The following LDB2 variants were observed in gnomAD, a reference collection of about 807,000 sequenced individuals.
The protein encoded by LDB2 is LIM domain binding 2.
Under a neutral mutation model 44.3 loss-of-function variants are expected in LDB2, and 12 were observed. The observed-to-expected ratio is 0.27, with a 90% CI of 0.17 to 0.44. LDB2 has a LOEUF of 0.44. Among genes scored for constraint, LDB2 ranks in the 20% least tolerant of loss-of-function variants. The probability of loss-of-function intolerance (pLI) is 1.00; values close to 1 mark genes in which losing one functional copy is unlikely to be tolerated. For missense variants in LDB2, 344 were observed against 473.5 expected (o/e 0.73, Z 2.54); for synonymous variants, 164 against 174.8 (o/e 0.94, Z 0.49).
chr4:16,851,276 TGGCAGGAA>T, intron 1 of LDB2, among the ~76,000 whole-genome samples: 1 of 151,642 alleles, frequency 6.6e-6, no homozygotes, highest in African/African-American at 2.4e-5. Flanking sequence ...GTCAGGAGGG[TGGCAGGAA>T]GGAGAGAATG....
chr4:16,699,928 C>G (rs1753072635), intron 2 of LDB2, among the ~76,000 whole-genome samples: 1 of 152,150 alleles, frequency 6.6e-6, no homozygotes, highest in African/African-American at 2.4e-5. Context: ...AAATCCAGAA[C>G]ACTCAGCTAA....
At chr4:16,870,007 G>C (rs1715997270) in intron 1 of LDB2, among the ~76,000 whole-genome samples, 1 of 152,180 alleles carries the variant, frequency 6.6e-6, no homozygotes, top group Admixed American at 6.6e-5. Flanking sequence ...GGTGACATGA[G>C]CCTATGTGAG....
chr4:16,507,070 T>C (rs1018926031), intron 7 of LDB2: 6 of 152,198 alleles, frequency 3.9e-5, no homozygotes, highest in African/African-American at 1.4e-4. Context: ...ACTTTTTTAA[T>C]AAAGAGACTC....
chr4:16,619,522 G>A (rs1728269873), intron 2 of LDB2, among the ~76,000 whole-genome samples: 1 of 152,168 alleles, frequency 6.6e-6, no homozygotes, highest in African/African-American at 2.4e-5. Context: ...AAAATACGTT[G>A]GAGCACTGAG....
intron 1 of LDB2, among the ~76,000 whole-genome samples, chr4:16,783,510 T>G (rs945462803): frequency 6.6e-6 from 1 of 152,232 alleles, no homozygotes; most frequent in Non-Finnish European, 1.5e-5. Flanking sequence ...TTGCTTTGTT[T>G]AAAGCATCAT....
At chr4:16,745,388 C>T (rs1416144524) in intron 2 of LDB2, among the ~76,000 whole-genome samples, 1 of 152,154 alleles carries the variant, frequency 6.6e-6, no homozygotes, top group South Asian at 2.1e-4. Flanking sequence ...GGAAGTCAAG[C>T]GTGAACTTTC....
At chr4:16,554,338 C>T (rs1177677917) in intron 5 of LDB2, among the ~76,000 whole-genome samples, 1 of 152,192 alleles carries the variant, frequency 6.6e-6, no homozygotes, top group Non-Finnish European at 1.5e-5. Flanking sequence ...GTGTGAGCCA[C>T]TGCGCCCGGC....
chr4:16,806,076 G>C (rs1778732600), intron 1 of LDB2, among the ~76,000 whole-genome samples: 1 of 152,164 alleles, frequency 6.6e-6, no homozygotes, highest in South Asian at 2.1e-4. Context: ...CAGGGAAACA[G>C]AATTAGCATC....
chr4:16,847,656 C>G (rs570074848), intron 1 of LDB2, among the ~76,000 whole-genome samples: 1 of 152,194 alleles, frequency 6.6e-6, no homozygotes, highest in African/African-American at 2.4e-5. Flanking sequence ...CTCGCTCTGT[C>G]GCCCAGGCTG....
chr4:16,505,321 CTAGA>C (rs1172546252), intron 7 of LDB2, among the ~76,000 whole-genome samples: 1 of 151,842 alleles, frequency 6.6e-6, no homozygotes, highest in Admixed American at 6.6e-5. Context: ...ATATCCCTAG[CTAGA>C]TACTTAGTTG....
intron 2 of LDB2, among the ~76,000 whole-genome samples, chr4:16,754,103 A>G (rs992914760): frequency 1.2e-4 from 18 of 152,210 alleles, no homozygotes; most frequent in Non-Finnish European, 2.1e-4. Flanking sequence ...CTGCAAAGCC[A>G]TGCCCACTTA....
At chr4:16,814,152 G>C (rs1780474959) in intron 1 of LDB2, among the ~76,000 whole-genome samples, 1 of 152,156 alleles carries the variant, frequency 6.6e-6, no homozygotes, top group African/African-American at 2.4e-5. Context: ...TTACAGGCGT[G>C]AGCCACCGCA....
rs1765698036 is a variant in LDB2 at position 16,752,568 on chromosome 4, T to C, written c.235+6590A>G. ...CCATGGTAATTTGAAGTGGCTGTTGTCTCATAGGTTTAACTCACTCACTTA... is the reference window on the plus strand; with the variant it reads ...CCATGGTAATTTGAAGTGGCTGTTGCCTCATAGGTTTAACTCACTCACTTA... On this transcript the variant is annotated intron_variant, in intron 2 of 7. Transcript: ENST00000304523. 3 of 347,286 alleles carry C rather than the reference T, an allele frequency of 8.6e-6. No homozygotes were observed. The East Asian group carries it at 2.5e-4, about 29-fold the overall frequency. The allele number at this position is 347,286 out of a possible 1,614,324, so 21.5% of individuals were successfully genotyped here. A position where few individuals can be genotyped will look rare whatever the true frequency, so the allele number is the denominator to read the frequency against.
intron 2 of LDB2, among the ~76,000 whole-genome samples, chr4:16,694,421 G>A (rs1357974035): frequency 6.6e-6 from 1 of 152,216 alleles, no homozygotes; most frequent in African/African-American, 2.4e-5. Context: ...CAGAACATAA[G>A]GCTGAGGGAA....
At chr4:16,531,937 G>C (rs1328467477) in intron 5 of LDB2, among the ~76,000 whole-genome samples, 1 of 152,162 alleles carries the variant, frequency 6.6e-6, no homozygotes, top group Non-Finnish European at 1.5e-5. Context: ...GAGGAAGGTA[G>C]CAGAGGACCT....
chr4:16,621,405 T>C (rs952723571), intron 2 of LDB2, among the ~76,000 whole-genome samples: 2 of 152,176 alleles, frequency 1.3e-5, no homozygotes, highest in African/African-American at 2.4e-5. Flanking sequence ...GAGGGATGGA[T>C]GGCTGAATTC....
chr4:16,878,689 G>A (rs1002397934), intron 1 of LDB2, among the ~76,000 whole-genome samples: 1 of 152,224 alleles, frequency 6.6e-6, no homozygotes, highest in Non-Finnish European at 1.5e-5. Context: ...ACCCCAACCT[G>A]CATCATCAGC....
intron 1 of LDB2, among the ~76,000 whole-genome samples, chr4:16,878,338 G>A (rs186048426): frequency 6.6e-6 from 1 of 152,310 alleles, no homozygotes; most frequent in African/African-American, 2.4e-5. Flanking sequence ...AGCCTGAGAA[G>A]GGTTCCTACT....
chr4:16,676,688 A>C (rs931433713), intron 2 of LDB2, among the ~76,000 whole-genome samples: 3 of 152,246 alleles, frequency 2.0e-5, no homozygotes, highest in African/African-American at 7.2e-5. Flanking sequence ...CTCAGGAATG[A>C]GACACGTTTC....
Sources: allele counts gnomAD v4.1 joint callset (sites outside exome capture counted in the v4.1 genomes callset), GRCh38; gene constraint gnomAD v4.1.1; transcripts MANE v1.5; gene names NCBI Gene and HGNC (gene_info 2026-07-23, HGNC 2026-07-21).